The following YTHDF3 variants were observed in gnomAD, a reference collection of about 807,000 sequenced individuals.
YTHDF3 encodes YTH domain-containing family protein 3.
YTHDF3 carries 9 observed loss-of-function variants against 52.5 expected under a neutral mutation model. That is an observed-to-expected ratio of 0.17 (90% CI 0.10 to 0.30). YTHDF3 has a LOEUF of 0.30. YTHDF3 is among the 10% of genes least tolerant of loss of function. The probability of loss-of-function intolerance (pLI) is 1.00; values close to 1 mark genes in which losing one functional copy is unlikely to be tolerated. For synonymous variants in YTHDF3, 274 were observed against 243.3 expected (o/e 1.13, Z -1.18); for missense variants, 534 against 715.0 (o/e 0.75, Z 2.89).
intron 4 of YTHDF3, among the ~76,000 whole-genome samples, chr8:63,205,507 C>G (rs1204278805): frequency 6.7e-6 from 1 of 149,950 alleles, no homozygotes; most frequent in East Asian, 2.0e-4. Flanking sequence ...AATCTTGGCT[C>G]ACTGCAACCT....
At chr8:63,198,738 C>T (rs1010175085) in intron 4 of YTHDF3, among the ~76,000 whole-genome samples, 1 of 152,094 alleles carries the variant, frequency 6.6e-6, no homozygotes, top group Non-Finnish European at 1.5e-5. Flanking sequence ...GCAAACATTT[C>T]CCTGGCAGTT....
intron 4 of YTHDF3, among the ~76,000 whole-genome samples, chr8:63,188,468 G>C (rs903914651): frequency 6.8e-6 from 1 of 146,604 alleles, no homozygotes; most frequent in Non-Finnish European, 1.5e-5. Flanking sequence ...CTGGGACTAC[G>C]GTCACACACC....
intron 4 of YTHDF3, among the ~76,000 whole-genome samples, chr8:63,192,997 T>C (rs986752365): frequency 6.6e-6 from 1 of 152,072 alleles, no homozygotes; most frequent in African/African-American, 2.4e-5. Flanking sequence ...AAACTCAACC[T>C]TGGGGGAGGC....
Position 63,202,784 on chromosome 8 carries a change from A to G in YTHDF3, c.1735-6899A>G, listed in dbSNP as rs142548917. 2.7e-3 allele frequency among the ~76,000 whole-genome samples: 411 copies of G among 151,994 alleles called. 2 individuals are homozygous for G. The highest frequency in any genetic ancestry group is 3.3e-3 in the Non-Finnish European group (222 of 67,926). On this transcript the variant is annotated intron_variant, in intron 4 of 4. Transcript: ENST00000539294. ...GGCCTTTGTTCTACTCTTTAGCATG[A>G]ATTTTTTTAGACCTATCAGCCACCT...
chr8:63,202,384 A>T (rs1297667830), intron 4 of YTHDF3, among the ~76,000 whole-genome samples: 1 of 151,952 alleles, frequency 6.6e-6, no homozygotes, highest in Non-Finnish European at 1.5e-5. Flanking sequence ...AAGTATTATT[A>T]GCACTTTAAA....
intron 4 of YTHDF3, among the ~76,000 whole-genome samples, chr8:63,206,957 G>C (rs1810073294): frequency 6.6e-6 from 1 of 151,998 alleles, no homozygotes; most frequent in Admixed American, 6.6e-5. Flanking sequence ...CTTGATAGTT[G>C]CTCATTGTAT....
intron 4 of YTHDF3, among the ~76,000 whole-genome samples, chr8:63,208,236 G>A (rs1810160548): frequency 6.6e-6 from 1 of 152,104 alleles, no homozygotes; most frequent in Non-Finnish European, 1.5e-5. Context: ...TGCTCTTCAA[G>A]TTCCAGGAAT....
At chr8:63,196,516 T>A (rs572914287) in intron 4 of YTHDF3, among the ~76,000 whole-genome samples, 1 of 150,764 alleles carries the variant, frequency 6.6e-6, no homozygotes, top group South Asian at 2.1e-4. Flanking sequence ...GAGCCAAGAT[T>A]GCGCCACTGC....
Position 63,186,236 on chromosome 8 carries a change from G to A in YTHDF3, c.225G>A (p.Ala75=), listed in dbSNP as rs768737431. Residue 75 remains alanine, a synonymous_variant, in exon 4 of 5, where the codon GCG becomes GCA. Transcript: ENST00000539294. ...TTCCATATTCTCTTGGGGAAGCAGC[G>A]TGGTCCACAGCTGGAGACCAGCCTA... ...IGFPYSLGEA[A]WSTAGDQPMP... is the part of the protein sequence containing the mutation. 9.9e-6 allele frequency: 16 copies of A among 1,613,954 alleles called. No individual in the cohort carries two copies. The highest frequency in any genetic ancestry group is 6.6e-5 in the South Asian group (6 of 91,086).
chr8:63,180,650 C>T (rs567944710), intron 3 of YTHDF3, among the ~76,000 whole-genome samples: 7 of 151,926 alleles, frequency 4.6e-5, no homozygotes, highest in South Asian at 2.1e-4. Flanking sequence ...TGTAGCGAGC[C>T]GAGATCACGC....
intron 4 of YTHDF3, 139 bp downstream of exon 4, chr8:63,187,884 TCTATGTGTGTC>T (rs1808632289): frequency 1.1e-6 from 1 of 945,006 alleles, no homozygotes; most frequent in Non-Finnish European, 1.5e-6. Flanking sequence ...CTTGAAGGTA[TCTATGTGTGTC>T]CTATATGAAC....
intron 3 of YTHDF3, among the ~76,000 whole-genome samples, chr8:63,182,774 TCTACTTC>T (rs1339338739): frequency 6.6e-6 from 1 of 152,190 alleles, no homozygotes; most frequent in East Asian, 1.9e-4. Context: ...GTGGGATTTA[TCTACTTC>T]CCTGTATTAC....
chr8:63,193,756 C>T (rs767288290), intron 4 of YTHDF3, among the ~76,000 whole-genome samples: 1 of 152,002 alleles, frequency 6.6e-6, no homozygotes, highest in African/African-American at 2.4e-5. Flanking sequence ...TGAGGGAATA[C>T]GAGTCAGGAC....
At chr8:63,184,610 C>G (rs1356245496) in intron 3 of YTHDF3, among the ~76,000 whole-genome samples, 13 of 152,160 alleles carry the variant, frequency 8.5e-5, no homozygotes, top group Non-Finnish European at 1.9e-4. Flanking sequence ...TAGTTCCAGG[C>G]AGGATCTATG....
At chr8:63,187,843 C>G (rs1808628776) in intron 4 of YTHDF3, 98 bp downstream of exon 4, 10 of 1,324,194 alleles carry the variant, frequency 7.6e-6, no homozygotes, top group Non-Finnish European at 1.0e-5. Flanking sequence ...TGAAGGAAAC[C>G]AACTACTTAA....
intron 3 of YTHDF3, among the ~76,000 whole-genome samples, chr8:63,181,961 A>G (rs1382180698): frequency 6.6e-6 from 1 of 152,252 alleles, no homozygotes; most frequent in Non-Finnish European, 1.5e-5. Flanking sequence ...AATAGGAGAA[A>G]GTACATAGCA....
Position 63,186,541 on chromosome 8 carries a change from C to G in YTHDF3, c.530C>G (p.Thr177Ser), listed in dbSNP as rs781222654. 3.1e-6 allele frequency: 5 copies of G among 1,613,980 alleles called. No individual in the cohort carries two copies. Among genetic ancestry groups the G allele is most frequent in the Non-Finnish European group, 4.2e-6 (5 of 1,179,890 alleles). Residue 177 changes from threonine (T) to serine (S), a missense_variant, in exon 4 of 5, where the codon ACT (threonine) becomes AGT (serine). Thr to Ser is a moderately conservative substitution (Grantham distance 58). Transcript: ENST00000539294. ...GGACAGGCTGGATTTGGCAATGATACTTTGAGTAAGGTGCCTGGCATTAGC... is the reference window on the plus strand; with the variant it reads ...GGACAGGCTGGATTTGGCAATGATAGTTTGAGTAAGGTGCCTGGCATTAGC... ...TDGQAGFGNDTLSKVPGISSI... is the reference protein window; with the variant it reads ...TDGQAGFGNDSLSKVPGISSI...
In YTHDF3 at chr8:63,168,852, C is replaced by G; in HGVS notation, c.-26C>G. On this transcript the variant is annotated 5_prime_UTR_variant, in exon 1 of 5. Transcript: ENST00000539294. ...GGAGAGGCCCAGGCAGCGGCGGCGGCGGCGGCTCTCGGGTTGCGGTGAAGA... is the reference window on the plus strand; with the variant it reads ...GGAGAGGCCCAGGCAGCGGCGGCGGGGGCGGCTCTCGGGTTGCGGTGAAGA... The G allele has an allele frequency of 6.4e-7, 1 of 1,553,906 alleles. No individual in the cohort carries two copies.
At chr8:63,190,477 C>T (rs1471310145) in intron 4 of YTHDF3, among the ~76,000 whole-genome samples, 1 of 151,910 alleles carries the variant, frequency 6.6e-6, no homozygotes, top group Admixed American at 6.6e-5. Context: ...TTAATATTAC[C>T]CTTATATTGT....
Sources: allele counts gnomAD v4.1 joint callset (sites outside exome capture counted in the v4.1 genomes callset), GRCh38; gene constraint gnomAD v4.1.1; transcripts MANE v1.5; gene names NCBI Gene and HGNC (gene_info 2026-07-23, HGNC 2026-07-21).